The following LIMCH1 variants were observed in gnomAD, a reference collection of about 807,000 sequenced individuals.
LIMCH1 encodes the protein LIM and calponin homology domains 1, also known as LIM and calponin homology domains-containing protein 1.
LIMCH1 carries 113 observed loss-of-function variants against 176.5 expected under a neutral mutation model. That is an observed-to-expected ratio of 0.64 (90% CI 0.55 to 0.75). LIMCH1 has a LOEUF of 0.75. Among genes scored for constraint, LIMCH1 ranks in the 30% least tolerant of loss-of-function variants. LIMCH1 has a pLI of 0.00. For missense variants in LIMCH1, 1,674 were observed against 1,814.9 expected (o/e 0.92, Z 1.41); for synonymous variants, 619 against 645.9 (o/e 0.96, Z 0.63).
rs71927545 is a variant in LIMCH1 at position 41,486,977 on chromosome 4, T to TACACAC, written c.97-7539_97-7534dup. On this transcript the variant is annotated intron_variant, in intron 1 of 26. Coordinates refer to the LIMCH1 transcript ENST00000313860. ...ATATATATACACACACACACATACA[T>TACACAC]ACACACACACACACACACACACACA... Among the ~76,000 whole-genome samples, 280 of 138,498 alleles carry TACACAC rather than the reference T, an allele frequency of 2.0e-3. 1 individual carries two copies. The highest frequency in any genetic ancestry group is 0.011 in the South Asian group (47 of 4,406). The allele number at this position is 138,498 out of a possible 152,430, so 90.9% of individuals were successfully genotyped here.
At chr4:41,426,902 A>G (rs1561335724) in intron 1 of LIMCH1, among the ~76,000 whole-genome samples, 1 of 152,260 alleles carries the variant, frequency 6.6e-6, no homozygotes, top group Non-Finnish European at 1.5e-5. Context: ...TACTTGGTAT[A>G]TGAAAATAAT....
intron 3 of LIMCH1, 56 bp from the exon 4 acceptor site, chr4:41,605,838 T>C: frequency 9.4e-7 from 1 of 1,061,974 alleles, no homozygotes; most frequent in Non-Finnish European, 1.5e-6. Context: ...ATTGACTCCT[T>C]AGTTTAAACG....
intron 1 of LIMCH1, among the ~76,000 whole-genome samples, chr4:41,568,626 C>T (rs2083088989): frequency 6.6e-6 from 1 of 152,036 alleles, no homozygotes; most frequent in African/African-American, 2.4e-5. Context: ...TAAAATAGGC[C>T]AAAATGTTGA....
rs116545095 is a variant in LIMCH1 at position 41,610,303 on chromosome 4, C to T, written c.10-3163C>T. ...TCTTGAAAGTCCAGTTGTGTAATGGCTGCACCAAGGAACTTGTAGCTGTGT... is the reference window on the plus strand; with the variant it reads ...TCTTGAAAGTCCAGTTGTGTAATGGTTGCACCAAGGAACTTGTAGCTGTGT... On this transcript the variant is annotated intron_variant, in intron 4 of 31. Transcript: ENST00000503057. Among the ~76,000 whole-genome samples the T allele has an allele frequency of 2.2e-3, 338 of 152,300 alleles. 1 individual carries two copies. The highest frequency in any genetic ancestry group is 8.0e-3 in the African/African-American group (331 of 41,566).
chr4:41,398,088 T>C (rs567137026), intron 1 of LIMCH1, among the ~76,000 whole-genome samples: 127 of 151,862 alleles, frequency 8.4e-4, no homozygotes, highest in Admixed American at 1.6e-3. Context: ...TATTCTTGCA[T>C]GAGCCCAGAT....
chr4:41,456,836 C>T (rs1365961585), intron 1 of LIMCH1, among the ~76,000 whole-genome samples: 1 of 152,046 alleles, frequency 6.6e-6, no homozygotes. Context: ...GTCTGGTGGT[C>T]GATGCTACAG....
At chr4:41,601,244 A>C (rs952621799) in intron 2 of LIMCH1, among the ~76,000 whole-genome samples, 5 of 152,202 alleles carry the variant, frequency 3.3e-5, no homozygotes, top group African/African-American at 1.2e-4. Context: ...AGTGTCAAGA[A>C]ATGAGAAGCA....
chr4:41,369,066 A>G (rs892567875), intron 1 of LIMCH1, among the ~76,000 whole-genome samples: 5 of 152,148 alleles, frequency 3.3e-5, no homozygotes, highest in African/African-American at 1.2e-4. Context: ...ATTCTTCCAA[A>G]AGAGGGGGCT....
At chr4:41,462,919 A>C (rs2065584986) in intron 1 of LIMCH1, among the ~76,000 whole-genome samples, 1 of 152,066 alleles carries the variant, frequency 6.6e-6, no homozygotes, top group African/African-American at 2.4e-5. Flanking sequence ...CCATCTTTAC[A>C]TGAAATCAGC....
chr4:41,626,861 A>G lies in LIMCH1; in HGVS notation c.879A>G (p.Ala293=), dbSNP rs531238478. ...ATCTTGAGAAGGATGACTTTGCTGC[A>G]AGGAGAGCAAGGATGAACCAAACCA... ...LPDLEKDDFA[A]RRARMNQTKP... The change falls in exon 8 of 32, where the codon GCA becomes GCG. Residue 293 remains alanine (A), a synonymous_variant. Coordinates refer to ENST00000503057, the MANE Select transcript of LIMCH1 (RefSeq NM_001330672.2). 1 of 1,536,170 alleles carries G rather than the reference A, an allele frequency of 6.5e-7. No individual in the cohort carries two copies. Among genetic ancestry groups the G allele is most frequent in the Non-Finnish European group, 8.7e-7 (1 of 1,146,920 alleles).
intron 22 of LIMCH1, among the ~76,000 whole-genome samples, chr4:41,673,718 C>T (rs780427830): frequency 6.6e-6 from 1 of 152,044 alleles, no homozygotes; most frequent in East Asian, 1.9e-4. Flanking sequence ...TTGTTGAGGG[C>T]CTAAAAATAT....
At chr4:41,383,632 G>A (rs749722203) in intron 1 of LIMCH1, among the ~76,000 whole-genome samples, 21 of 152,116 alleles carry the variant, frequency 1.4e-4, no homozygotes, top group African/African-American at 1.9e-4. Context: ...ATTGTATGGC[G>A]CTTTTAATAG....
At chr4:41,591,143 T>C (rs2087472393) in intron 1 of LIMCH1, among the ~76,000 whole-genome samples, 4 of 152,250 alleles carry the variant, frequency 2.6e-5, no homozygotes, top group African/African-American at 9.6e-5. Context: ...TCTTCTATGA[T>C]AGACTTGCAA....
At chr4:41,696,552 AT>A (rs1240074695) in intron 31 of LIMCH1, among the ~76,000 whole-genome samples, 2 of 152,170 alleles carry the variant, frequency 1.3e-5, no homozygotes, top group Admixed American at 6.6e-5. Context: ...TAAACAATAC[AT>A]TTTTTAAGTC....
upstream of LIMCH1, among the ~76,000 whole-genome samples, chr4:41,533,657 A>G (rs1456779308): frequency 6.6e-6 from 1 of 152,226 alleles, no homozygotes; most frequent in Admixed American, 6.5e-5. Context: ...CTAGAAGACA[A>G]ATATAGAAGA....
chr4:41,645,698 T>TC (rs1206256314), intron 15 of LIMCH1, among the ~76,000 whole-genome samples: 2 of 152,206 alleles, frequency 1.3e-5, no homozygotes, highest in Admixed American at 6.5e-5. Context: ...CAGTTTTTTT[T>TC]CTGCCTTGAC....
In LIMCH1 at chr4:41,643,751, A is replaced by G. The variant is rs532458603; in HGVS notation, c.2127-749A>G. On this transcript the variant is annotated intron_variant, in intron 14 of 31. Coordinates refer to ENST00000503057, the MANE Select transcript of LIMCH1 (RefSeq NM_001330672.2). ...GTGTGCATATTAGAATACAAAATAT[A>G]TACCTAATTTATGTGTTTTACTCCT... is the stretch of plus-strand genomic sequence containing the variant. Among the ~76,000 whole-genome samples the G allele has an allele frequency of 7.4e-4, 112 of 152,350 alleles. 1 individual carries two copies. The highest frequency in any genetic ancestry group is 2.6e-3 in the African/African-American group (109 of 41,582).
At chr4:41,621,792 T>C (rs1245681587) in intron 7 of LIMCH1, among the ~76,000 whole-genome samples, 2 of 152,192 alleles carry the variant, frequency 1.3e-5, no homozygotes, top group Non-Finnish European at 2.9e-5. Flanking sequence ...AGTCAGTGAC[T>C]TGCAGAGCTG....
intron 1 of LIMCH1, among the ~76,000 whole-genome samples, chr4:41,488,361 A>G (rs1222156954): frequency 6.6e-6 from 1 of 152,218 alleles, no homozygotes. Flanking sequence ...AAAAATGCCA[A>G]TATGTTTAAA....
Sources: gnomAD v4.1 joint callset for allele counts (sites outside exome capture counted in the v4.1 genomes callset) on GRCh38, gnomAD v4.1.1 for gene constraint, MANE v1.5 for transcripts, NCBI Gene and HGNC (gene_info 2026-07-23, HGNC 2026-07-21) for gene names.